Variants in RASEF observed in about 807,000 individuals in gnomAD.
RASEF encodes RAS and EF-hand domain containing, also known as ras and EF-hand domain-containing protein.
In RASEF, 68 loss-of-function variants were observed where a neutral mutation model predicts 90.1. The observed-to-expected ratio is 0.75, with a 90% CI of 0.62 to 0.92. RASEF has a LOEUF of 0.92. Ranked by LOEUF, RASEF falls within the 40% of genes least tolerant of loss-of-function variation. The pLI, the probability that RASEF is intolerant of heterozygous loss-of-function variation, is 0.00. For missense variants in RASEF, 949 were observed against 937.2 expected, an observed-to-expected ratio of 1.01 and a Z score of -0.16; for synonymous variants, 331 against 345.2, an observed-to-expected ratio of 0.96 and a Z score of 0.46.
At chr9:83,058,429 G>A (rs922197663) in intron 1 of RASEF, among the ~76,000 whole-genome samples, 4 of 147,770 alleles carry the variant, frequency 2.7e-5, no homozygotes, top group Admixed American at 6.6e-5. Flanking sequence ...TGATCCGCCC[G>A]CCTCGGCCTC....
the RASEF span, among the ~76,000 whole-genome samples, chr9:83,108,491 C>G: frequency 6.6e-6 from 1 of 152,160 alleles, no homozygotes; most frequent in Admixed American, 6.6e-5. Context: ...TCACCTACTC[C>G]TGACCTAAGC....
chr9:83,156,603 T>C, the RASEF span, among the ~76,000 whole-genome samples: 1 of 152,044 alleles, frequency 6.6e-6, no homozygotes, highest in South Asian at 2.1e-4. Context: ...CTCCCAGGGA[T>C]TCCACACTCA....
chr9:83,182,012 A>G, the RASEF span, among the ~76,000 whole-genome samples: 1 of 152,184 alleles, frequency 6.6e-6, no homozygotes, highest in Non-Finnish European at 1.5e-5. Flanking sequence ...CACTCCCTGG[A>G]GTCAGAGTCC....
chr9:83,143,391 A>C, the RASEF span, among the ~76,000 whole-genome samples: 1 of 152,172 alleles, frequency 6.6e-6, no homozygotes. Context: ...AAAAACAAAT[A>C]ACCCCATTAA....
chr9:83,019,439 G>A (rs1829403595), intron 3 of RASEF, among the ~76,000 whole-genome samples: 1 of 152,112 alleles, frequency 6.6e-6, no homozygotes, highest in African/African-American at 2.4e-5. Flanking sequence ...ACACCGATTA[G>A]AATGCTGAAA....
chr9:83,049,347 C>A, intron 1 of RASEF: 1 of 985,138 alleles, frequency 1.0e-6, no homozygotes, highest in South Asian at 4.7e-5. Flanking sequence ...AGCTACATCT[C>A]CACAGTCAAT....
chr9:83,207,200 C>T, the RASEF span, among the ~76,000 whole-genome samples: 1 of 152,082 alleles, frequency 6.6e-6, no homozygotes, highest in African/African-American at 2.4e-5. Context: ...GAGTCTATCA[C>T]GGACATTCTG....
At position 83,022,351 on chromosome 9, in the gene RASEF, A is replaced by G. The variant is rs1399954228; in HGVS notation, c.654T>C (p.His218=). 4 of 1,613,728 alleles carry G rather than the reference A, an allele frequency of 2.5e-6. No individual in the cohort carries two copies. In the African/African-American group the frequency reaches 5.3e-5, roughly 22 times the overall value. The change falls in exon 3 of 17, where the codon CAT becomes CAC. Residue 218 remains histidine, a synonymous_variant. Transcript: ENST00000376447. ...EMDQRIQAAE[H]KTRKDEKRKA... is the part of the protein sequence containing the mutation. ...AGAAACTCACGTCTTTCCGTGTCTT[A>G]TGTTCTGCAGCCTGAATCCTCTGAT...
chr9:82,998,319 T>C, intron 13 of RASEF, 46 bp downstream of exon 13: 5 of 1,233,278 alleles, frequency 4.1e-6, no homozygotes, highest in Non-Finnish European at 4.7e-6. Context: ...GCAAGGCTTG[T>C]TAATGCAAAC....
chr9:83,195,899 A>C, the RASEF span, among the ~76,000 whole-genome samples: 1 of 152,020 alleles, frequency 6.6e-6, no homozygotes, highest in Non-Finnish European at 1.5e-5. Flanking sequence ...CAGCCTACTG[A>C]TAGGAGTAGT....
the RASEF span, among the ~76,000 whole-genome samples, chr9:83,129,858 A>G: frequency 3.9e-5 from 6 of 152,260 alleles, no homozygotes; most frequent in Admixed American, 1.3e-4. Flanking sequence ...CCAACAAAAC[A>G]CGTTGACTTA....
intron 1 of RASEF, among the ~76,000 whole-genome samples, chr9:83,060,370 A>C (rs1435856112): frequency 6.6e-6 from 1 of 152,256 alleles, no homozygotes; most frequent in East Asian, 1.9e-4. Flanking sequence ...TGTCCACAAT[A>C]CAGGGAGTTT....
At chr9:83,145,448 C>G in the RASEF span, among the ~76,000 whole-genome samples, 77 of 152,092 alleles carry the variant, frequency 5.1e-4, no homozygotes, top group African/African-American at 1.8e-3. Flanking sequence ...GACCTTAGAG[C>G]TGAAAATAAC....
At chr9:83,147,253 T>C in the RASEF span, among the ~76,000 whole-genome samples, 158 of 152,196 alleles carry the variant, frequency 1.0e-3, 1 homozygote, top group African/African-American at 3.6e-3. Context: ...AAAAATACTA[T>C]GCACAGTGCT....
rs183473022 is a variant in RASEF, at chr9:83,038,868, T to C, written c.432-12947A>G. Among the ~76,000 whole-genome samples the C allele has an allele frequency of 8.7e-4, 133 of 152,330 alleles. 1 individual carries two copies. The East Asian group carries it at 0.019, about 22-fold the overall frequency. ...CAATTCTATGGCCACTCTAGTTTTC[T>C]GTCTCATTTTCTTCACTCTTTTTCC... On this transcript the variant is annotated intron_variant, in intron 1 of 16. Coordinates refer to ENST00000376447, the MANE Select transcript of RASEF (RefSeq NM_152573.4).
At chr9:83,134,274 C>T in the RASEF span, among the ~76,000 whole-genome samples, 1 of 152,022 alleles carries the variant, frequency 6.6e-6, no homozygotes, top group South Asian at 2.1e-4. Flanking sequence ...GATAGAAACT[C>T]ATGTCTTGTC....
chr9:83,128,470 T>A, the RASEF span, among the ~76,000 whole-genome samples: 1 of 151,454 alleles, frequency 6.6e-6, no homozygotes, highest in Admixed American at 6.6e-5. Context: ...AGCCTTTTTT[T>A]TTTTTTTTTG....
the RASEF span, among the ~76,000 whole-genome samples, chr9:83,172,263 A>C: frequency 1.4e-4 from 22 of 151,804 alleles, no homozygotes; most frequent in Non-Finnish European, 2.5e-4. Context: ...TTGTCAGAAA[A>C]GATGCTTGAT....
intron 1 of RASEF, among the ~76,000 whole-genome samples, chr9:83,035,083 G>A (rs772675757): frequency 6.6e-5 from 10 of 152,142 alleles, no homozygotes; most frequent in African/African-American, 2.2e-4. Context: ...AATGTCTTAC[G>A]CGTGGCAGTA....
Sources: gnomAD v4.1 joint callset for allele counts (sites outside exome capture counted in the v4.1 genomes callset) on GRCh38, gnomAD v4.1.1 for gene constraint, MANE v1.5 for transcripts, NCBI Gene and HGNC (gene_info 2026-07-23, HGNC 2026-07-21) for gene names.